The following SCGB3A1 variants were observed in gnomAD, a reference collection of about 807,000 sequenced individuals.
SCGB3A1 encodes the protein cytokine HIN-1.
SCGB3A1 carries 7 observed loss-of-function variants against 7.6 expected under a neutral mutation model. That is an observed-to-expected ratio of 0.93 (90% CI 0.53 to 1.74). The LOEUF (loss-of-function observed/expected upper bound fraction) is 1.74, where lower values mean the gene tolerates loss of function less well. Among genes scored for constraint, SCGB3A1 ranks in the 40% most tolerant of loss-of-function variants. The pLI is 0.00. For synonymous variants in SCGB3A1, 67 were observed against 66.6 expected (o/e 1.01, Z -0.03); for missense variants, 119 against 129.0 (o/e 0.92, Z 0.38).
At chr5:180,590,486 AG>A in intron 2 of SCGB3A1, 113 bp downstream of exon 2, 1 of 971,030 alleles carries the variant, frequency 1.0e-6, no homozygotes, top group Non-Finnish European at 1.5e-6. Context: ...CAGGGCTTGG[AG>A]GGGCAGGACG....
At position 180,591,263 on chromosome 5, in the gene SCGB3A1, C is replaced by A. The variant is rs890677042; in HGVS notation, c.52+148G>T. ...AGAGGGGGAGGCCGCGGGCTGCAGGCGCGGGGCCCCGGGGTGGCGGAGCCC... is the reference window on the plus strand; with the variant it reads ...AGAGGGGGAGGCCGCGGGCTGCAGGAGCGGGGCCCCGGGGTGGCGGAGCCC... On this transcript the variant is annotated intron_variant, in intron 1 of 2. Transcript: ENST00000292641. 23 of 585,252 alleles carry A rather than the reference C, an allele frequency of 3.9e-5. No homozygotes were observed. The East Asian group carries it at 8.5e-4, about 22-fold the overall frequency. The allele number at this position is 585,252 out of a possible 1,614,324, so 36.3% of individuals were successfully genotyped here.
In SCGB3A1 at chr5:180,590,244, G is replaced by A. The variant is rs1470104201; in HGVS notation, c.302C>T (p.Thr101Ile). 1.9e-6 allele frequency: 3 copies of A among 1,584,262 alleles called. No homozygotes were observed. The South Asian group carries it at 3.5e-5, about 18-fold the overall frequency. Reference protein sequence around the residue: ...KALKALLGALTVFG With the variant: ...KALKALLGALIVFG The stretch of plus-strand genomic sequence containing the variant: ...TCCAGTCTCGGCTCAGCCAAACACT[G>A]TCAGGGCCCCCTGGAAAGCAGAAGC... The change falls in exon 3 of 3, where the codon ACA (threonine) becomes ATA (isoleucine). Residue 101 changes from threonine to isoleucine, a missense_variant. Transcript: ENST00000292641.
chr5:180,590,919 C>T (rs1761303678), intron 1 of SCGB3A1, 81 bp from the exon 2 acceptor site: 1 of 1,062,896 alleles, frequency 9.4e-7, no homozygotes, highest in Non-Finnish European at 1.3e-6. Context: ...CCGCGGGAGG[C>T]GCCCAGGAAC....
At chr5:180,591,099 G>C in intron 1 of SCGB3A1, 1 of 469,886 alleles carries the variant, frequency 2.1e-6, no homozygotes, top group Non-Finnish European at 3.7e-6. Context: ...TCTGTGCAGG[G>C]TCCGGGACAG....
intron 1 of SCGB3A1, 146 bp from the exon 2 acceptor site, chr5:180,590,984 C>A: frequency 1.7e-6 from 1 of 595,534 alleles, no homozygotes; most frequent in South Asian, 2.3e-5. Flanking sequence ...CGAGGCCTGC[C>A]AGGTGCGAGC....
chr5:180,590,690 G>T lies in SCGB3A1; in HGVS notation c.201C>A (p.Pro67=). 1 of 1,584,948 alleles carries T rather than the reference G, an allele frequency of 6.3e-7. No homozygotes were observed. Among genetic ancestry groups the T allele is most frequent in the Non-Finnish European group, 8.6e-7 (1 of 1,165,896 alleles). The part of the protein sequence containing the change: ...LKLLLSSLGI[P]VNHLIEGSQK... ...GGGAGCCCTCTATGAGGTGGTTCAC[G>T]GGGATGCCCAGGCTGCTCAGCAGGA... The change falls in exon 2 of 3, where the codon CCC becomes CCA. Residue 67 remains proline, a synonymous_variant. Transcript: ENST00000292641.
In SCGB3A1 at chr5:180,590,178, C is replaced by A; in HGVS notation, c.*53G>T. ...GTCCTCCCCGCGGCGGGGTTTTCAG[C>A]CCTCGCGGGTGGGCAGCGTCTTGTC... On this transcript the variant is annotated 3_prime_UTR_variant, in exon 3 of 3. Coordinates refer to ENST00000292641, the MANE Select transcript of SCGB3A1 (RefSeq NM_052863.3). 1.3e-6 allele frequency: 2 copies of A among 1,562,780 alleles called. No homozygotes were observed. The highest frequency in any genetic ancestry group is 2.4e-5 in the South Asian group (2 of 85,064).
chr5:180,590,546 G>T, intron 2 of SCGB3A1, 54 bp downstream of exon 2: 1 of 1,427,726 alleles, frequency 7.0e-7, no homozygotes. Flanking sequence ...CAGTTTTGAG[G>T]CTGGCCGGGA....
intron 1 of SCGB3A1, chr5:180,591,209 A>G: frequency 2.5e-6 from 1 of 407,308 alleles, no homozygotes; most frequent in Non-Finnish European, 4.2e-6. Flanking sequence ...GGCGGCCTCC[A>G]TCCCGGCACG....
chr5:180,590,773 C>A lies in SCGB3A1; in HGVS notation c.118G>T (p.Ala40Ser). The A allele has an allele frequency of 6.3e-7, 1 of 1,591,464 alleles. No homozygotes were observed. The highest frequency in any genetic ancestry group is 2.3e-5 in the East Asian group (1 of 43,252). Residue 40 changes from alanine to serine, a missense_variant, in exon 2 of 3, where the codon GCG becomes TCG. Transcript: ENST00000292641. The part of the protein sequence containing the change: ...AQPVAALESA[A>S]EAGAGTLANP... ...GCCAGGGTCCCGGCCCCGGCCTCCG[C>A]CGCCGACTCCAGCGCAGCGACAGGC...
At chr5:180,591,201 C>T (rs1017520528) in intron 1 of SCGB3A1, 3 of 397,844 alleles carry the variant, frequency 7.5e-6, no homozygotes, top group African/African-American at 6.3e-5. Context: ...AGGCCAGGGG[C>T]GGCCTCCATC....
In SCGB3A1 at chr5:180,590,256, T is replaced by C. The variant is rs1761287623; in HGVS notation, c.292-2A>G. 6.3e-7 allele frequency: 1 copy of C among 1,581,142 alleles called. No individual in the cohort carries two copies. Among genetic ancestry groups the C allele is most frequent in the African/African-American group, 1.3e-5 (1 of 74,706 alleles). On this transcript the variant is annotated splice_acceptor_variant, in intron 2 of 2. Transcript: ENST00000292641. LOFTEE classifies it high-confidence loss of function. ...TCAGCCAAACACTGTCAGGGCCCCC[T>C]GGAAAGCAGAAGCCGAGCTTGAGTG...
chr5:180,591,479 G>A lies in SCGB3A1; in HGVS notation c.-17C>T. 2 of 1,228,272 alleles carry A rather than the reference G, an allele frequency of 1.6e-6. No homozygotes were observed. Among genetic ancestry groups the A allele is most frequent in the Non-Finnish European group, 2.0e-6 (2 of 985,676 alleles). 76.1% of individuals were successfully genotyped at this position (1,228,272 alleles called of 1,614,324 possible). ...GAGCTTCATGGCGCGGGGGCTCGGG[G>A]CGCGCGGGGAACCTGCGGCTGCCCG... On this transcript the variant is annotated 5_prime_UTR_variant, in exon 1 of 3. Transcript: ENST00000292641.
Position 180,590,206 on chromosome 5 carries a change from C to T in SCGB3A1, c.*25G>A. On this transcript the variant is annotated 3_prime_UTR_variant, in exon 3 of 3. Coordinates refer to ENST00000292641, the MANE Select transcript of SCGB3A1 (RefSeq NM_052863.3). The stretch of plus-strand genomic sequence containing the variant: ...TCGCGGGTGGGCAGCGTCTTGTCCT[C>T]AGGTGTAGATGCTCCAGTCTCGGCT... 1 of 1,579,114 alleles carries T rather than the reference C, an allele frequency of 6.3e-7. No homozygotes were observed. The highest frequency in any genetic ancestry group is 8.6e-7 in the Non-Finnish European group (1 of 1,162,480).
chr5:180,590,348 G>A, intron 2 of SCGB3A1, 94 bp from the exon 3 acceptor site: 2 of 1,498,192 alleles, frequency 1.3e-6, no homozygotes, highest in Non-Finnish European at 1.8e-6. Context: ...GGGAGCGGGA[G>A]CGGGGCGGTT....
rs891064777 is a variant in SCGB3A1, at chr5:180,590,321, C to T, written c.292-67G>A. On this transcript the variant is annotated intron_variant, in intron 2 of 2. Coordinates refer to ENST00000292641, the MANE Select transcript of SCGB3A1 (RefSeq NM_052863.3). Reference sequence around the variant, plus strand: ...ACCAAGAACTCAGGCGGGGGCGCGGCAGCGGCCGGCTCTGTGGGGAGCGGG... The same window carrying T: ...ACCAAGAACTCAGGCGGGGGCGCGGTAGCGGCCGGCTCTGTGGGGAGCGGG... 5.8e-6 allele frequency: 9 copies of T among 1,546,280 alleles called. No homozygotes were observed. In the African/African-American group the frequency reaches 6.8e-5, roughly 12 times the overall value.
chr5:180,590,944 C>A (rs949175768), intron 1 of SCGB3A1, 106 bp from the exon 2 acceptor site: 3 of 794,462 alleles, frequency 3.8e-6, no homozygotes, highest in East Asian at 6.0e-5. Flanking sequence ...GCGCCCTGCC[C>A]GGCTCCCCGA....
Position 180,590,741 on chromosome 5 carries a change from G to A in SCGB3A1, c.150C>T (p.Pro50=), listed in dbSNP as rs374562892. 84 of 1,583,628 alleles carry A rather than the reference G, an allele frequency of 5.3e-5. No homozygotes were observed. The highest frequency in any genetic ancestry group is 7.0e-5 in the Non-Finnish European group (82 of 1,165,356). The change falls in exon 2 of 3, where the codon CCC becomes CCT. Residue 50 remains proline (P), a synonymous_variant. Transcript: ENST00000292641. ...GCTTCAGCGGGTTGAGGGTGCCGAGGGGGTTGGCCAGGGTCCCGGCCCCGG... is the reference window on the plus strand; with the variant it reads ...GCTTCAGCGGGTTGAGGGTGCCGAGAGGGTTGGCCAGGGTCCCGGCCCCGG... ...AEAGAGTLAN[P]LGTLNPLKLL... is the part of the protein sequence containing the mutation.
In SCGB3A1 at chr5:180,590,634, G is replaced by C; in HGVS notation, c.257C>G (p.Ala86Gly). The change falls in exon 2 of 3, where the codon GCC (alanine) becomes GGC (glycine). Residue 86 changes from alanine (A) to glycine (G), a missense_variant. Coordinates refer to ENST00000292641, the MANE Select transcript of SCGB3A1 (RefSeq NM_052863.3). ...CTTCAGGGCCTTCACGGCCCCCACG[G>C]CCTGGGGACCCAGCTCAGCCACACA... The part of the protein sequence containing the change: ...QKCVAELGPQ[A>G]VGAVKALKAL... 2 of 1,602,206 alleles carry C rather than the reference G, an allele frequency of 1.2e-6. No individual in the cohort carries two copies. The highest frequency in any genetic ancestry group is 1.7e-6 in the Non-Finnish European group (2 of 1,174,690).
Sources: allele counts gnomAD v4.1 joint callset, GRCh38; gene constraint gnomAD v4.1.1; transcripts MANE v1.5; gene names NCBI Gene and HGNC (gene_info 2026-07-23, HGNC 2026-07-21).